The following SEC14L1 variants were observed in gnomAD, a reference collection of about 807,000 sequenced individuals.
The protein encoded by SEC14L1 is SEC14-like protein 1.
Under a neutral mutation model 85.3 loss-of-function variants are expected in SEC14L1, and 48 were observed. The ratio of observed to expected loss-of-function variants is 0.56; its 90% CI spans 0.45 to 0.72. The LOEUF (loss-of-function observed/expected upper bound fraction) is 0.72, where lower values mean the gene tolerates loss of function less well. Among genes scored for constraint, SEC14L1 ranks in the 30% least tolerant of loss-of-function variants. The pLI is 0.00. For missense variants in SEC14L1, 682 were observed against 921.4 expected, an observed-to-expected ratio of 0.74 and a Z score of 3.36; for synonymous variants, 391 against 355.5, an observed-to-expected ratio of 1.10 and a Z score of -1.12.
At position 77,213,222 on chromosome 17, in the gene SEC14L1, TA is replaced by T; in HGVS notation, c.1864-89del. On this transcript the variant is annotated intron_variant, in intron 15 of 16. Transcript: ENST00000436233. The surrounding 1 kb of genome is among the most constrained non-coding windows in gnomAD (Gnocchi z 7.1). ...TAGTTTCCGTAGCTACATGAAATCC[TA>T]AAGACAGTCCCCTTGGCGCTTGTCA... 1 of 1,116,674 alleles carries T rather than the reference TA, an allele frequency of 9.0e-7. No homozygotes were observed. 69.2% of individuals were successfully genotyped at this position (1,116,674 alleles called of 1,614,324 possible).
intron 3 of SEC14L1, among the ~76,000 whole-genome samples, chr17:77,127,134 A>C (rs2143428574): frequency 6.8e-6 from 1 of 146,486 alleles, no homozygotes; most frequent in African/African-American, 2.5e-5. Context: ...CCCTCCCCTC[A>C]CCCCTCACCC....
At chr17:77,167,323 A>G (rs1974329871) in intron 3 of SEC14L1, among the ~76,000 whole-genome samples, 3 of 151,912 alleles carry the variant, frequency 2.0e-5, no homozygotes. Flanking sequence ...TTAGCAGAGA[A>G]AGGGTTTTGC....
intron 3 of SEC14L1, among the ~76,000 whole-genome samples, chr17:77,096,801 A>G (rs2143294587): frequency 6.6e-6 from 1 of 152,240 alleles, no homozygotes; most frequent in African/African-American, 2.4e-5. Context: ...GTAACTTGGT[A>G]CAGAGTTTGG....
chr17:77,141,355 C>T (rs1345344739), intron 1 of SEC14L1: 3 of 141,612 alleles, frequency 2.1e-5, no homozygotes, highest in Non-Finnish European at 4.7e-5. Flanking sequence ...CCCACCCCCA[C>T]CTCGCCAGGC....
At chr17:77,161,987 G>A (rs1262462104) in intron 3 of SEC14L1, among the ~76,000 whole-genome samples, 5 of 142,806 alleles carry the variant, frequency 3.5e-5, no homozygotes, top group South Asian at 4.4e-4. Flanking sequence ...TCAATAGATC[G>A]CAGTGAGGGA....
chr17:77,112,963 C>T (rs1262289021), intron 3 of SEC14L1, among the ~76,000 whole-genome samples: 8 of 151,860 alleles, frequency 5.3e-5, no homozygotes, highest in Non-Finnish European at 5.9e-5. Flanking sequence ...ACCAGGAGTT[C>T]GAGACCAGCC....
chr17:77,164,354 A>T (rs983542598), intron 3 of SEC14L1, among the ~76,000 whole-genome samples: 11 of 152,228 alleles, frequency 7.2e-5, no homozygotes, highest in African/African-American at 2.2e-4. Flanking sequence ...GGTTTGAGGG[A>T]GGACTGCCCA....
intron 3 of SEC14L1, among the ~76,000 whole-genome samples, chr17:77,098,835 G>T (rs3817357): frequency 0.021 from 3,220 of 152,258 alleles, 68 homozygotes; most frequent in Admixed American, 0.053. Flanking sequence ...CCTTGAGAGT[G>T]GGAGCCCTGG....
At chr17:77,103,028 G>C (rs996267074) in intron 3 of SEC14L1, among the ~76,000 whole-genome samples, 1 of 151,880 alleles carries the variant, frequency 6.6e-6, no homozygotes, top group Non-Finnish European at 1.5e-5. Context: ...GACTGGACTC[G>C]AACTCCTGGC....
intron 5 of SEC14L1, among the ~76,000 whole-genome samples, chr17:77,193,158 G>A (rs74584421): frequency 0.012 from 1,837 of 152,352 alleles, 22 homozygotes; most frequent in South Asian, 0.046. Flanking sequence ...AATGAATGAA[G>A]CAAGAATGAA....
chr17:77,113,543 A>G (rs1282321616), intron 3 of SEC14L1, among the ~76,000 whole-genome samples: 2 of 152,192 alleles, frequency 1.3e-5, no homozygotes, highest in African/African-American at 4.8e-5. Context: ...CAGCAGTTCT[A>G]GACCAGCCTG....
At chr17:77,105,734 T>C (rs1473926296) in intron 3 of SEC14L1, among the ~76,000 whole-genome samples, 1 of 152,204 alleles carries the variant, frequency 6.6e-6, no homozygotes, top group Non-Finnish European at 1.5e-5. Context: ...GGTTAGGATC[T>C]GGGGCTTGTA....
rs1063381 is a variant in SEC14L1, at chr17:77,215,540, G to T, written c.*1517G>T. 2 of 986,638 alleles carry T rather than the reference G, an allele frequency of 2.0e-6. No homozygotes were observed. Among genetic ancestry groups the T allele is most frequent in the Non-Finnish European group, 2.4e-6 (2 of 830,520 alleles). 61.1% of individuals were successfully genotyped at this position (986,638 alleles called of 1,614,324 possible). On this transcript the variant is annotated 3_prime_UTR_variant, in exon 17 of 17. Coordinates refer to ENST00000436233, the MANE Select transcript of SEC14L1 (RefSeq NM_001143998.2). ...TGCCCCGTGCAGGGATCAGGAGGGC[G>T]GGGGAGGGACCGAGCAGCCCTCTTG...
At chr17:77,175,023 A>T (rs1161886736) in intron 3 of SEC14L1, among the ~76,000 whole-genome samples, 1 of 152,162 alleles carries the variant, frequency 6.6e-6, no homozygotes, top group Non-Finnish European at 1.5e-5. Flanking sequence ...GAAAGAGGGG[A>T]TAGGAGCAGT....
At chr17:77,109,143 A>G (rs1051259945) in intron 3 of SEC14L1, among the ~76,000 whole-genome samples, 1 of 151,358 alleles carries the variant, frequency 6.6e-6, no homozygotes, top group African/African-American at 2.4e-5. Flanking sequence ...TTTATAGACT[A>G]AGGGCTGAAG....
intron 3 of SEC14L1, among the ~76,000 whole-genome samples, chr17:77,100,727 G>A (rs1971759781): frequency 6.6e-6 from 1 of 151,898 alleles, no homozygotes; most frequent in African/African-American, 2.4e-5. Context: ...GTGAGCCACC[G>A]CGCCCAGCCT....
intron 3 of SEC14L1, among the ~76,000 whole-genome samples, chr17:77,114,281 T>G (rs1297744922): frequency 6.6e-6 from 1 of 152,062 alleles, no homozygotes; most frequent in Non-Finnish European, 1.5e-5. Context: ...TCCCAGCACT[T>G]TGGGAGGCCA....
chr17:77,178,433 G>T (rs1269744266), intron 3 of SEC14L1, among the ~76,000 whole-genome samples: 2 of 152,132 alleles, frequency 1.3e-5, no homozygotes, highest in Non-Finnish European at 2.9e-5. Flanking sequence ...TTTTACGTGT[G>T]AAGTTTTTAA....
intron 5 of SEC14L1, among the ~76,000 whole-genome samples, chr17:77,193,063 C>T (rs1167252439): frequency 1.3e-5 from 2 of 152,212 alleles, no homozygotes; most frequent in Admixed American, 1.3e-4. Flanking sequence ...CTGATTGTCT[C>T]CTCTGTTAGA....
Sources: gnomAD v4.1 joint callset for allele counts (sites outside exome capture counted in the v4.1 genomes callset) on GRCh38, gnomAD v4.1.1 for gene constraint, Gnocchi (gnomAD v3.1) non-coding constraint, MANE v1.5 for transcripts, NCBI Gene and HGNC (gene_info 2026-07-23, HGNC 2026-07-21) for gene names.